Variants in FANCD2OS observed in about 807,000 individuals in gnomAD.
FANCD2OS encodes FANCD2 opposite strand protein.
In FANCD2OS, 11 loss-of-function variants were observed where a neutral mutation model predicts 13.2. The observed-to-expected ratio is 0.83, with a 90% CI of 0.52 to 1.38. The LOEUF is 1.38. FANCD2OS is among the 40% of genes most tolerant of loss of function. The pLI is 0.00. For synonymous variants in FANCD2OS, 69 were observed against 84.5 expected (o/e 0.82, Z 1.01); for missense variants, 217 against 213.9 (o/e 1.01, Z -0.09).
intron 2 of FANCD2OS, chr3:10,088,923 C>A: frequency 6.2e-7 from 1 of 1,614,040 alleles, no homozygotes; most frequent in Non-Finnish European, 8.5e-7. Context: ...AAAGATGCAT[C>A]TTCCTCCACA....
intron 1 of FANCD2OS, among the ~76,000 whole-genome samples, chr3:10,105,972 A>G (rs1695487564): frequency 6.6e-6 from 1 of 151,322 alleles, no homozygotes; most frequent in South Asian, 2.1e-4. Flanking sequence ...GCCCTCTTGC[A>G]TTGTCTATTT....
At position 10,083,909 on chromosome 3, in the gene FANCD2OS, G is replaced by C. The variant is rs1041628492; in HGVS notation, c.*44-2378C>G. 7.5e-5 allele frequency among the ~76,000 whole-genome samples: 11 copies of C among 146,066 alleles called. No individual in the cohort carries two copies. In the Admixed American group the frequency reaches 7.6e-4, roughly 10 times the overall value. On this transcript the variant is annotated intron_variant, in intron 2 of 2. Transcript: ENST00000524279. ...TCTCAAAAAAAAAAAAAAAAAAAAG[G>C]TATGTCCACCAGGGTCTGGTACAGG...
Position 10,085,885 on chromosome 3 carries a change from CAG to C in FANCD2OS, c.*44-4356_*44-4355del, listed in dbSNP as rs770686014. 3 of 1,613,436 alleles carry C rather than the reference CAG, an allele frequency of 1.9e-6. No individual in the cohort carries two copies. In the African/African-American group the frequency reaches 4.0e-5, roughly 22 times the overall value. ...CCATGTCCTTAGTAGCCGACTGAAA[CAG>C]GGAGAACACAGCCAGCCTTTGGAGG... On this transcript the variant is annotated intron_variant, in intron 2 of 2. Coordinates refer to the FANCD2OS transcript ENST00000524279.
intron 2 of FANCD2OS, among the ~76,000 whole-genome samples, chr3:10,097,430 GT>G (rs1695038590): frequency 6.6e-6 from 1 of 152,184 alleles, no homozygotes; most frequent in Admixed American, 6.5e-5. Context: ...CTACCCCTAG[GT>G]GTGCATTCTC....
chr3:10,105,521 C>T (rs896531698), intron 1 of FANCD2OS, among the ~76,000 whole-genome samples: 6 of 151,502 alleles, frequency 4.0e-5, no homozygotes, highest in Middle Eastern at 3.4e-3. Context: ...GAGGCTGAGG[C>T]GGGCGGATCA....
At chr3:10,081,439 CA>C (rs1693828328) in exon 3 of FANCD2OS, 1 of 1,613,404 alleles carries the variant, frequency 6.2e-7, no homozygotes, top group African/African-American at 1.3e-5. Context: ...GAGGCTGCTG[CA>C]GATTTTTCAT....
At chr3:10,084,883 AG>A (rs966172272) in intron 2 of FANCD2OS, among the ~76,000 whole-genome samples, 1 of 152,224 alleles carries the variant, frequency 6.6e-6, no homozygotes, top group Non-Finnish European at 1.5e-5. Flanking sequence ...CAGTGGTTTA[AG>A]AAAACACTTC....
intron 2 of FANCD2OS, among the ~76,000 whole-genome samples, chr3:10,089,130 CA>C (rs564342097): frequency 2.0e-4 from 31 of 152,100 alleles, no homozygotes; most frequent in African/African-American, 7.5e-4. Flanking sequence ...ACTAAAAATA[CA>C]AAAATTAGCC....
downstream of FANCD2OS, chr3:10,103,059 C>A (rs1186342938): frequency 6.8e-6 from 3 of 441,920 alleles, no homozygotes; most frequent in African/African-American, 6.2e-5. Context: ...GAGTTCAAGA[C>A]CAGCTTGGGC....
At chr3:10,104,894 C>T (rs1347688314) in intron 1 of FANCD2OS, 112 bp from the exon 2 acceptor site, 1 of 800,236 alleles carries the variant, frequency 1.2e-6, no homozygotes, top group African/African-American at 1.7e-5. Context: ...TTCTATAGTT[C>T]CCATGAATAG....
chr3:10,088,752 A>G (rs1229896178), intron 2 of FANCD2OS: 4 of 1,484,758 alleles, frequency 2.7e-6, no homozygotes, highest in Admixed American at 1.7e-5. Context: ...AATTCAGATC[A>G]TAGAGGAATT....
At chr3:10,082,797 G>T (rs551310765) in intron 2 of FANCD2OS, among the ~76,000 whole-genome samples, 1 of 152,194 alleles carries the variant, frequency 6.6e-6, no homozygotes, top group East Asian at 1.9e-4. Flanking sequence ...ATAATTACTT[G>T]TTCATCAGTC....
chr3:10,096,325 G>T (rs367976708), intron 2 of FANCD2OS: 2 of 1,614,034 alleles, frequency 1.2e-6, no homozygotes, highest in Non-Finnish European at 1.7e-6. Context: ...TTTCCATTCA[G>T]ATTCACCAGG....
chr3:10,082,170 G>C (rs1463716078), intron 2 of FANCD2OS, among the ~76,000 whole-genome samples: 1 of 152,148 alleles, frequency 6.6e-6, no homozygotes, highest in African/African-American at 2.4e-5. Context: ...TTAGTAAATG[G>C]TACCACCAGT....
intron 1 of FANCD2OS, among the ~76,000 whole-genome samples, chr3:10,106,203 G>T (rs1695491765): frequency 6.6e-6 from 1 of 152,072 alleles, no homozygotes; most frequent in African/African-American, 2.4e-5. Flanking sequence ...GTTTTTCTAG[G>T]TGTGGGTGTG....
At chr3:10,095,630 T>A (rs1231311767) in intron 2 of FANCD2OS, among the ~76,000 whole-genome samples, 3 of 152,226 alleles carry the variant, frequency 2.0e-5, no homozygotes, top group Admixed American at 1.3e-4. Context: ...AAAGCAGCCA[T>A]CTGTAGAGGC....
At chr3:10,104,839 G>A in intron 1 of FANCD2OS, 57 bp from the exon 2 acceptor site, 1 of 1,468,394 alleles carries the variant, frequency 6.8e-7, no homozygotes, top group Non-Finnish European at 9.1e-7. Flanking sequence ...ATGAGAGCAT[G>A]GCCTTTCAAA....
rs1203321141 is a variant in FANCD2OS, at chr3:10,085,899, C to T, written c.*44-4368G>A. On this transcript the variant is annotated intron_variant, in intron 2 of 2. Transcript: ENST00000524279. ...GCCGACTGAAACAGGGAGAACACAG[C>T]CAGCCTTTGGAGGAACTACTCAGGT... The T allele has an allele frequency of 6.2e-7, 1 of 1,612,380 alleles. No individual in the cohort carries two copies. Among genetic ancestry groups the T allele is most frequent in the Non-Finnish European group, 8.5e-7 (1 of 1,178,516 alleles).
At chr3:10,107,566 G>A (rs1029896548) in intron 1 of FANCD2OS, among the ~76,000 whole-genome samples, 3 of 151,928 alleles carry the variant, frequency 2.0e-5, no homozygotes, top group Admixed American at 1.3e-4. Flanking sequence ...GATTACAGGC[G>A]TGAGCCACCG....
Sources: allele counts gnomAD v4.1 joint callset (sites outside exome capture counted in the v4.1 genomes callset), GRCh38; gene constraint gnomAD v4.1.1; transcripts MANE v1.5; gene names NCBI Gene and HGNC (gene_info 2026-07-23, HGNC 2026-07-21).